Variants in PREX2 observed in about 807,000 individuals in gnomAD.
PREX2 encodes the protein phosphatidylinositol-3,4,5-trisphosphate dependent Rac exchange factor 2.
Under a neutral mutation model 203.2 loss-of-function variants are expected in PREX2, and 107 were observed. The observed-to-expected ratio is 0.53, with a 90% CI of 0.45 to 0.62. The LOEUF is 0.62. PREX2 is among the 20% of genes least tolerant of loss of function. The probability of loss-of-function intolerance (pLI) is 0.00; values close to 1 mark genes in which losing one functional copy is unlikely to be tolerated. For synonymous variants in PREX2, 672 were observed against 663.6 expected, an observed-to-expected ratio of 1.01 and a Z score of -0.19; for missense variants, 1,777 against 1,955.9, an observed-to-expected ratio of 0.91 and a Z score of 1.72.
intron 11 of PREX2, among the ~76,000 whole-genome samples, chr8:68,067,042 T>C (rs7012881): frequency 0.71 from 108,119 of 151,966 alleles, 38,498 homozygotes; most frequent in East Asian, 0.74. Context: ...ACCATAAATC[T>C]GTGAATTTAT....
intron 1 of PREX2, among the ~76,000 whole-genome samples, chr8:67,974,346 G>A (rs1008156337): frequency 6.6e-6 from 1 of 152,086 alleles, no homozygotes; most frequent in Admixed American, 6.5e-5. Flanking sequence ...GAGAAAAAAA[G>A]TAAAAGAAAA....
At chr8:67,975,694 CTT>C (rs67614434) in intron 1 of PREX2, among the ~76,000 whole-genome samples, 17,817 of 74,918 alleles carry the variant, frequency 0.24, 3,451 homozygotes, top group East Asian at 0.55. Context: ...ATTTCTCTTT[CTT>C]TTTTTTTTTT....
chr8:68,092,523 C>G (rs1809908199), intron 20 of PREX2, among the ~76,000 whole-genome samples: 1 of 152,138 alleles, frequency 6.6e-6, no homozygotes, highest in East Asian at 1.9e-4. Context: ...TGGTAGTCAT[C>G]TCATCTCTCT....
At position 68,090,723 on chromosome 8, in the gene PREX2, G is replaced by T; in HGVS notation, c.2250+8G>T. 6.2e-7 allele frequency: 1 copy of T among 1,612,108 alleles called. No individual in the cohort carries two copies. The highest frequency in any genetic ancestry group is 8.5e-7 in the Non-Finnish European group (1 of 1,178,546). On this transcript the variant is annotated splice_region_variant and intron_variant, in intron 20 of 39. Coordinates refer to ENST00000288368, the MANE Select transcript of PREX2 (RefSeq NM_024870.4). ...TACAGGCGGCCAACGAAGGTAAGTG[G>T]CCCTTCAGATAATCTGGATCTGAGT...
chr8:68,034,114 C>G lies in PREX2; in HGVS notation c.705+3456C>G, dbSNP rs542281547. 3.9e-5 allele frequency among the ~76,000 whole-genome samples: 6 copies of G among 152,184 alleles called. No individual in the cohort carries two copies. In the South Asian group the frequency reaches 6.2e-4, roughly 16 times the overall value. On this transcript the variant is annotated intron_variant, in intron 6 of 39. Coordinates refer to ENST00000288368, the MANE Select transcript of PREX2 (RefSeq NM_024870.4). ...ATTATCGAAATTAGGTTTTTGTCAG[C>G]ATTTATGTGGTAACTGCCACCACAG...
chr8:68,058,646 G>T (rs1808751572), intron 10 of PREX2, among the ~76,000 whole-genome samples: 1 of 151,986 alleles, frequency 6.6e-6, no homozygotes, highest in African/African-American at 2.4e-5. Context: ...TATTGGCCAG[G>T]CTAGTCTCCA....
Position 68,217,698 on chromosome 8 carries a change from ACAGATGTGATGCGGAAG to A in PREX2, c.4691_4707del (p.Asp1564GlyfsTer62). The A allele has an allele frequency of 6.2e-7, 1 of 1,613,544 alleles. No individual in the cohort carries two copies. Among genetic ancestry groups the A allele is most frequent in the Non-Finnish European group, 8.5e-7 (1 of 1,179,488 alleles). ...GCCACCTCGTTACATCATGCAGGCTACAGATGTGATGCGGAAGCAGGTAGGTCTCATGCAGACTTGGG... is the reference window on the plus strand; with the variant it reads ...GCCACCTCGTTACATCATGCAGGCTACAGGTAGGTCTCATGCAGACTTGGG... On this transcript the variant is annotated frameshift_variant, in exon 38 of 40. Coordinates refer to ENST00000288368, the MANE Select transcript of PREX2 (RefSeq NM_024870.4). LOFTEE classifies it high-confidence loss of function.
intron 35 of PREX2, among the ~76,000 whole-genome samples, chr8:68,189,777 G>A (rs1310901827): frequency 6.6e-6 from 1 of 152,132 alleles, no homozygotes; most frequent in Non-Finnish European, 1.5e-5. Context: ...ACTGCAGATG[G>A]TACCTGGAAA....
chr8:68,205,006 G>T (rs923401926), intron 37 of PREX2, among the ~76,000 whole-genome samples: 1 of 151,998 alleles, frequency 6.6e-6, no homozygotes, highest in Non-Finnish European at 1.5e-5. Flanking sequence ...TAAGCTACTC[G>T]GAAACCCTTG....
At chr8:68,130,812 C>T (rs758818508) in intron 31 of PREX2, among the ~76,000 whole-genome samples, 1 of 152,150 alleles carries the variant, frequency 6.6e-6, no homozygotes, top group Non-Finnish European at 1.5e-5. Flanking sequence ...AATTAGCCCT[C>T]CAGTAGAAGG....
At chr8:68,193,630 CACAT>C (rs1433498476) in intron 37 of PREX2, among the ~76,000 whole-genome samples, 3 of 152,156 alleles carry the variant, frequency 2.0e-5, no homozygotes, top group African/African-American at 7.2e-5. Context: ...AAAGTACACA[CACAT>C]ACAACCCACA....
chr8:68,230,761 G>A (rs1813152628), intron 39 of PREX2, among the ~76,000 whole-genome samples: 1 of 152,110 alleles, frequency 6.6e-6, no homozygotes, highest in South Asian at 2.1e-4. Flanking sequence ...GGGTGAGTGG[G>A]CCCTGGGCAG....
intron 10 of PREX2, among the ~76,000 whole-genome samples, chr8:68,057,257 G>GT (rs1387016496): frequency 6.6e-6 from 1 of 152,114 alleles, no homozygotes; most frequent in Non-Finnish European, 1.5e-5. Context: ...TGCCATGATT[G>GT]TAAGTTTCCT....
At chr8:68,192,204 T>G in intron 36 of PREX2, 131 bp from the exon 37 acceptor site, 1 of 647,202 alleles carries the variant, frequency 1.5e-6, no homozygotes, top group Non-Finnish European at 2.6e-6. Context: ...TTATAAATAT[T>G]AGTAGTCTCT....
intron 1 of PREX2, among the ~76,000 whole-genome samples, chr8:67,960,718 ATGT>A (rs1805611145): frequency 6.6e-6 from 1 of 151,892 alleles, no homozygotes; most frequent in African/African-American, 2.4e-5. Flanking sequence ...TTTCTGTCTG[ATGT>A]TCTGTTTTGT....
At chr8:68,116,990 T>A (rs1184985378) in intron 26 of PREX2, among the ~76,000 whole-genome samples, 3 of 152,244 alleles carry the variant, frequency 2.0e-5, no homozygotes, top group Admixed American at 6.5e-5. Flanking sequence ...ACCAGCCACA[T>A]AAGCTGTGTA....
chr8:68,007,247 G>A (rs1286538755), intron 1 of PREX2, among the ~76,000 whole-genome samples: 1 of 152,122 alleles, frequency 6.6e-6, no homozygotes, highest in Non-Finnish European at 1.5e-5. Context: ...TCACAGTTGA[G>A]CTTATTTAGT....
rs758027463 is a variant in PREX2, at chr8:68,109,466, G to A, written c.2989G>A (p.Ala997Thr). 1 of 1,613,986 alleles carries A rather than the reference G, an allele frequency of 6.2e-7. No homozygotes were observed. Among genetic ancestry groups the A allele is most frequent in the Non-Finnish European group, 8.5e-7 (1 of 1,179,904 alleles). ...YIQHTITTMA[A>T]PSGLSLGQQD... ...TCAGCACACCATCACAACCATGGCG[G>A]CCCCTTCAGGTCTGTCTCTGGGACA... The change falls in exon 25 of 40, where the codon GCC becomes ACC. Residue 997 changes from alanine to threonine, a missense_variant. Coordinates refer to ENST00000288368, the MANE Select transcript of PREX2 (RefSeq NM_024870.4).
At chr8:68,131,828 T>C (rs1811016765) in intron 31 of PREX2, among the ~76,000 whole-genome samples, 1 of 152,176 alleles carries the variant, frequency 6.6e-6, no homozygotes, top group Non-Finnish European at 1.5e-5. Context: ...GATTTTTGCT[T>C]TTCACTCAAT....
Sources: allele counts gnomAD v4.1 joint callset (sites outside exome capture counted in the v4.1 genomes callset), GRCh38; gene constraint gnomAD v4.1.1; transcripts MANE v1.5; gene names NCBI Gene and HGNC (gene_info 2026-07-23, HGNC 2026-07-21).